The following PXDN variants were observed in gnomAD, a reference collection of about 807,000 sequenced individuals.
PXDN encodes the protein peroxidasin.
PXDN carries 77 observed loss-of-function variants against 140.3 expected under a neutral mutation model. That is an observed-to-expected ratio of 0.55 (90% CI 0.46 to 0.66). The LOEUF is 0.66. Ranked by LOEUF, PXDN falls within the 30% of genes least tolerant of loss-of-function variation. The pLI, the probability that PXDN is intolerant of heterozygous loss-of-function variation, is 0.00. For missense variants in PXDN, 1,838 were observed against 2,039.5 expected, an observed-to-expected ratio of 0.90 and a Z score of 1.90; for synonymous variants, 911 against 857.4, an observed-to-expected ratio of 1.06 and a Z score of -1.09.
At chr2:1,657,333 A>C (rs1683168248) in intron 14 of PXDN, among the ~76,000 whole-genome samples, 1 of 129,394 alleles carries the variant, frequency 7.7e-6, no homozygotes, top group African/African-American at 3.0e-5. Context: ...AACCAGCCCC[A>C]ACCTGACTGA....
At chr2:1,694,389 G>C (rs1300175887) in intron 1 of PXDN, among the ~76,000 whole-genome samples, 5 of 152,180 alleles carry the variant, frequency 3.3e-5, no homozygotes, top group African/African-American at 9.7e-5. Flanking sequence ...TTCAAAAAAA[G>C]TATCTGTGTC....
intron 9 of PXDN, among the ~76,000 whole-genome samples, chr2:1,668,425 T>C (rs542671014): frequency 6.6e-6 from 1 of 152,028 alleles, no homozygotes; most frequent in Non-Finnish European, 1.5e-5. Context: ...CCAAAAGCAA[T>C]TGCAACAAAA....
intron 1 of PXDN, 144 bp from the exon 2 acceptor site, chr2:1,693,278 T>C: frequency 1.6e-6 from 1 of 632,356 alleles, no homozygotes; most frequent in South Asian, 2.1e-5. Context: ...ATCTTCTTTT[T>C]CACTGAGGCT....
intron 1 of PXDN, among the ~76,000 whole-genome samples, chr2:1,706,809 C>A (rs60398584): frequency 1.7e-5 from 2 of 115,278 alleles, no homozygotes; most frequent in South Asian, 6.3e-4. Flanking sequence ...CTCTAAGCAT[C>A]GCCTGCCCCA....
intron 7 of PXDN, among the ~76,000 whole-genome samples, chr2:1,678,302 G>A (rs79459334): frequency 6.6e-6 from 1 of 152,076 alleles, no homozygotes; most frequent in African/African-American, 2.4e-5. Flanking sequence ...CCAACGTTCC[G>A]TAAACCCTCC....
chr2:1,689,388 AAGGGAATCT>A (rs1475868211), intron 3 of PXDN, among the ~76,000 whole-genome samples: 4 of 152,234 alleles, frequency 2.6e-5, no homozygotes, highest in African/African-American at 9.6e-5. Context: ...TAAAAAATGA[AAGGGAATCT>A]TTTTAAAGAA....
intron 6 of PXDN, among the ~76,000 whole-genome samples, chr2:1,681,491 G>C (rs1205715297): frequency 6.6e-6 from 1 of 150,756 alleles, no homozygotes; most frequent in Non-Finnish European, 1.5e-5. Context: ...CCCCGAGATG[G>C]GGATGGGATC....
At chr2:1,702,642 G>C (rs1471992589) in intron 1 of PXDN, among the ~76,000 whole-genome samples, 2 of 151,966 alleles carry the variant, frequency 1.3e-5, no homozygotes, top group Non-Finnish European at 2.9e-5. Context: ...GTTTTGTTTT[G>C]TTTTGAGACA....
intron 14 of PXDN, among the ~76,000 whole-genome samples, chr2:1,659,658 CAAA>C (rs1683257924): frequency 6.6e-6 from 1 of 152,118 alleles, no homozygotes. Context: ...AAGCAAAAAA[CAAA>C]TATTAATTTT....
At chr2:1,676,849 G>T in intron 8 of PXDN, 78 bp downstream of exon 8, 1 of 1,323,020 alleles carries the variant, frequency 7.6e-7, no homozygotes, top group Non-Finnish European at 1.1e-6. Context: ...GGCCTTGGTG[G>T]GGAGTGAGGT....
chr2:1,703,482 G>T (rs1251072263), intron 1 of PXDN, among the ~76,000 whole-genome samples: 1 of 40,052 alleles, frequency 2.5e-5, no homozygotes, highest in Non-Finnish European at 4.8e-5. Context: ...CAGGTGAAGG[G>T]GGGGCAACTC....
chr2:1,671,591 G>A (rs1045922601), intron 9 of PXDN, among the ~76,000 whole-genome samples: 43 of 152,148 alleles, frequency 2.8e-4, no homozygotes, highest in Admixed American at 1.8e-3. Flanking sequence ...AGATAGAAGT[G>A]TTACTGATCA....
At position 1,639,223 on chromosome 2, in the gene PXDN, C is replaced by A; in HGVS notation, c.4073+79G>T. 1.3e-6 allele frequency: 2 copies of A among 1,547,414 alleles called. No individual in the cohort carries two copies. Among genetic ancestry groups the A allele is most frequent in the Admixed American group, 2.0e-5 (1 of 51,262 alleles). ...AACCATCCTCGCCACAGGCCCACAGCAGGATGCCGGTCCTACTGCCCGACG... is the reference window on the plus strand; with the variant it reads ...AACCATCCTCGCCACAGGCCCACAGAAGGATGCCGGTCCTACTGCCCGACG... On this transcript the variant is annotated intron_variant, in intron 20 of 22. Coordinates refer to ENST00000252804, the MANE Select transcript of PXDN (RefSeq NM_012293.3). This position sits in a 1 kb window ranked among gnomAD's most constrained non-coding sequence, Gnocchi z 5.0.
At chr2:1,739,043 T>C (rs986252077) in intron 1 of PXDN, among the ~76,000 whole-genome samples, 3 of 152,316 alleles carry the variant, frequency 2.0e-5, no homozygotes, top group Middle Eastern at 3.4e-3. Flanking sequence ...CATCAGCTTC[T>C]GGCCAGTGTG....
intron 8 of PXDN, chr2:1,676,322 G>A (rs1271923189): frequency 6.5e-6 from 1 of 153,566 alleles, no homozygotes; most frequent in East Asian, 1.9e-4. Flanking sequence ...TCAGCGGTAG[G>A]ACTTCCCTCC....
intron 1 of PXDN, among the ~76,000 whole-genome samples, chr2:1,742,145 C>G (rs1685558809): frequency 1.3e-5 from 2 of 152,220 alleles, no homozygotes; most frequent in African/African-American, 4.8e-5. Flanking sequence ...GCGCTACGCT[C>G]CTCCTCTTGG....
chr2:1,706,634 C>T (rs1259033866), intron 1 of PXDN, among the ~76,000 whole-genome samples: 1 of 84,936 alleles, frequency 1.2e-5, no homozygotes, highest in Non-Finnish European at 2.2e-5. Context: ...ACTAATAATA[C>T]AATCTGAGAG....
chr2:1,663,968 A>G (rs912866609), intron 11 of PXDN: 2 of 590,888 alleles, frequency 3.4e-6, no homozygotes, highest in Non-Finnish European at 5.9e-6. Context: ...ACTCAGACAG[A>G]GGGGTTGACA....
intron 7 of PXDN, among the ~76,000 whole-genome samples, chr2:1,679,749 T>A (rs1278869513): frequency 6.7e-6 from 1 of 150,374 alleles, no homozygotes; most frequent in African/African-American, 2.5e-5. Context: ...TGTGCGTGTA[T>A]GTGCGTGTGT....
Sources: allele counts gnomAD v4.1 joint callset (sites outside exome capture counted in the v4.1 genomes callset), GRCh38; gene constraint gnomAD v4.1.1; non-coding constraint Gnocchi (gnomAD v3.1); transcripts MANE v1.5; gene names NCBI Gene and HGNC (gene_info 2026-07-23, HGNC 2026-07-21).